Variants in RBMS2 observed in about 807,000 individuals in gnomAD.
RBMS2 encodes RNA-binding motif, single-stranded-interacting protein 2.
In RBMS2, 38 loss-of-function variants were observed where a neutral mutation model predicts 58.4. The ratio of observed to expected loss-of-function variants is 0.65; its 90% CI spans 0.50 to 0.85. The LOEUF (loss-of-function observed/expected upper bound fraction) is 0.85, where lower values mean the gene tolerates loss of function less well. Ranked by LOEUF, RBMS2 falls within the 40% of genes least tolerant of loss-of-function variation. The probability of loss-of-function intolerance (pLI) is 0.00; values close to 1 mark genes in which losing one functional copy is unlikely to be tolerated. For synonymous variants in RBMS2, 151 were observed against 180.7 expected (o/e 0.84, Z 1.32); for missense variants, 367 against 503.7 (o/e 0.73, Z 2.60).
intron 1 of RBMS2, among the ~76,000 whole-genome samples, chr12:56,525,160 T>C (rs1048470545): frequency 6.6e-6 from 1 of 152,092 alleles, no homozygotes; most frequent in Admixed American, 6.6e-5. Flanking sequence ...TTGGAAAGGG[T>C]TGTAGATGCA....
chr12:56,547,573 C>T (rs943566206), intron 1 of RBMS2, among the ~76,000 whole-genome samples: 11 of 152,048 alleles, frequency 7.2e-5, no homozygotes, highest in Non-Finnish European at 1.3e-4. Context: ...TGAGAGACTT[C>T]ACCCTCAGGA....
chr12:56,520,445 G>T (rs1413620026), upstream of RBMS2, among the ~76,000 whole-genome samples: 1 of 152,122 alleles, frequency 6.6e-6, no homozygotes, highest in Non-Finnish European at 1.5e-5. Flanking sequence ...AAACAGACAG[G>T]GTTAATTTAT....
At chr12:56,535,404 A>C (rs561037955) in intron 1 of RBMS2, among the ~76,000 whole-genome samples, 3 of 151,034 alleles carry the variant, frequency 2.0e-5, no homozygotes, top group African/African-American at 7.3e-5. Flanking sequence ...CTGAGGTGGA[A>C]GGATCACTTG....
intron 1 of RBMS2, among the ~76,000 whole-genome samples, chr12:56,555,471 T>G (rs1371941888): frequency 6.7e-6 from 1 of 150,224 alleles, no homozygotes; most frequent in African/African-American, 2.4e-5. Context: ...GAAGAAGACC[T>G]TGGCCAGGTA....
At chr12:56,532,578 C>A (rs202020370) in intron 1 of RBMS2, among the ~76,000 whole-genome samples, 5 of 144,464 alleles carry the variant, frequency 3.5e-5, no homozygotes, top group Non-Finnish European at 6.2e-5. Context: ...TAAAAAAAAA[C>A]TTTTTCTTCT....
chr12:56,559,020 C>T (rs1003061722), intron 1 of RBMS2, among the ~76,000 whole-genome samples: 1 of 152,100 alleles, frequency 6.6e-6, no homozygotes, highest in Admixed American at 6.6e-5. Flanking sequence ...CTTGAGCTAC[C>T]GCGCCAGCTG....
chr12:56,579,573 G>A (rs573339221), intron 5 of RBMS2, among the ~76,000 whole-genome samples: 26 of 151,372 alleles, frequency 1.7e-4, no homozygotes, highest in African/African-American at 6.1e-4. Context: ...GGCAGAGCTT[G>A]TAGTGAGCCG....
chr12:56,581,559 G>A (rs759375896), intron 7 of RBMS2, 51 bp downstream of exon 7: 4 of 1,529,568 alleles, frequency 2.6e-6, no homozygotes, highest in Admixed American at 1.7e-5. Context: ...AAAGTGGAAC[G>A]GAAATGATCA....
intron 2 of RBMS2, among the ~76,000 whole-genome samples, chr12:56,566,611 A>G (rs1159587243): frequency 6.6e-6 from 1 of 152,210 alleles, no homozygotes; most frequent in Non-Finnish European, 1.5e-5. Flanking sequence ...TGAAGTCAGG[A>G]GTTCGAGACC....
chr12:56,559,186 A>ATT (rs139304296), intron 1 of RBMS2, among the ~76,000 whole-genome samples: 7 of 149,642 alleles, frequency 4.7e-5, no homozygotes, highest in East Asian at 4.0e-4. Context: ...AAAGAAGGAC[A>ATT]TTTTTTTTTT....
intron 1 of RBMS2, among the ~76,000 whole-genome samples, chr12:56,540,799 T>G (rs2136298762): frequency 6.6e-6 from 1 of 152,196 alleles, no homozygotes; most frequent in African/African-American, 2.4e-5. Flanking sequence ...AAGACAATGG[T>G]AGAATTAAAC....
chr12:56,588,628 A>C (rs1324450581), intron 12 of RBMS2: 5 of 586,710 alleles, frequency 8.5e-6, no homozygotes, highest in Non-Finnish European at 1.5e-5. Context: ...TTAAAAAAAA[A>C]ACAACAGCAG....
intron 1 of RBMS2, among the ~76,000 whole-genome samples, chr12:56,544,640 T>C (rs906283884): frequency 6.6e-6 from 1 of 152,180 alleles, no homozygotes; most frequent in African/African-American, 2.4e-5. Context: ...CATGCTGTAG[T>C]GCAGTAGTGC....
At chr12:56,556,281 A>G (rs1424150815) in intron 1 of RBMS2, among the ~76,000 whole-genome samples, 3 of 152,070 alleles carry the variant, frequency 2.0e-5, no homozygotes, top group African/African-American at 4.8e-5. Context: ...AAGATACCCT[A>G]TAAAAATCTC....
At chr12:56,553,074 G>A (rs371115103) in intron 1 of RBMS2, among the ~76,000 whole-genome samples, 31 of 150,962 alleles carry the variant, frequency 2.1e-4, no homozygotes, top group East Asian at 1.6e-3. Context: ...GATTACAGGC[G>A]CCCAGCTAAT....
upstream of RBMS2, chr12:56,521,800 T>C (rs1299988135): frequency 7.4e-6 from 4 of 542,450 alleles, no homozygotes; most frequent in South Asian, 2.5e-5. Context: ...TGTTAACTTC[T>C]CTCAGTGACG....
intron 12 of RBMS2, 58 bp downstream of exon 12, chr12:56,588,432 C>G: frequency 6.9e-7 from 1 of 1,453,782 alleles, no homozygotes; most frequent in Non-Finnish European, 9.6e-7. Context: ...AGGCAGGTTT[C>G]CCCCTGATCA....
chr12:56,583,722 T>G (rs1884295052), intron 9 of RBMS2, among the ~76,000 whole-genome samples: 1 of 152,238 alleles, frequency 6.6e-6, no homozygotes, highest in Admixed American at 6.5e-5. Flanking sequence ...TTAATTTGCA[T>G]GTCCCTTACT....
intron 1 of RBMS2, among the ~76,000 whole-genome samples, chr12:56,553,974 G>T (rs1214834507): frequency 6.6e-6 from 1 of 151,802 alleles, no homozygotes; most frequent in Admixed American, 6.6e-5. Flanking sequence ...ATAGGCGCAT[G>T]CCACTATGCT....
Sources: gnomAD v4.1 joint callset for allele counts (sites outside exome capture counted in the v4.1 genomes callset) on GRCh38, gnomAD v4.1.1 for gene constraint, MANE v1.5 for transcripts, NCBI Gene and HGNC (gene_info 2026-07-23, HGNC 2026-07-21) for gene names.